The following DDX11 variants were observed in gnomAD, a reference collection of about 807,000 sequenced individuals.
DDX11 encodes ATP-dependent DNA helicase DDX11.
DDX11 carries 72 observed loss-of-function variants against 125.2 expected under a neutral mutation model. The observed-to-expected ratio is 0.58, with a 90% CI of 0.48 to 0.70. The LOEUF is 0.70. Among genes scored for constraint, DDX11 ranks in the 30% least tolerant of loss-of-function variants. DDX11 has a pLI of 0.00. For synonymous variants in DDX11, 347 were observed against 452.6 expected, an observed-to-expected ratio of 0.77 and a Z score of 2.96; for missense variants, 883 against 1,165.0, an observed-to-expected ratio of 0.76 and a Z score of 3.52.
At chr12:31,088,785 G>T (rs549145458) in intron 6 of DDX11, among the ~76,000 whole-genome samples, 1 of 152,342 alleles carries the variant, frequency 6.6e-6, no homozygotes, top group African/African-American at 2.4e-5. Context: ...AAAAGCGGTT[G>T]ATTAGAGGCT....
chr12:31,095,378 C>T lies in DDX11; in HGVS notation c.1482+556C>T, dbSNP rs144751089. Among the ~76,000 whole-genome samples the T allele has an allele frequency of 3.9e-3, 592 of 152,306 alleles. 8 individuals are homozygous for T. Among genetic ancestry groups the T allele is most frequent in the African/African-American group, 0.014 (562 of 41,562 alleles). On this transcript the variant is annotated intron_variant, in intron 14 of 26. Transcript: ENST00000542838. ...CTCTGAGCTAGGATATCCTTTTGCC[C>T]CAGCAAGGAAAGCAAACAGGCCCGT... is the stretch of plus-strand genomic sequence containing the variant.
Position 31,098,295 on chromosome 12 carries a change from T to C in DDX11, c.1875+298T>C, listed in dbSNP as rs531537394. 2.0e-5 allele frequency among the ~76,000 whole-genome samples: 3 copies of C among 152,384 alleles called. No homozygotes were observed. The East Asian group carries it at 5.8e-4, about 29-fold the overall frequency. Reference sequence around the variant, plus strand: ...AAGGAAAAAAATCATGATTCCACTTTTAAAAGGTTCATTTTGATGTATATG... The same window carrying C: ...AAGGAAAAAAATCATGATTCCACTTCTAAAAGGTTCATTTTGATGTATATG... On this transcript the variant is annotated intron_variant, in intron 18 of 26. Coordinates refer to ENST00000542838, the MANE Select transcript of DDX11 (RefSeq NM_030653.4).
At chr12:31,079,818 C>G (rs1211025569) in intron 2 of DDX11, among the ~76,000 whole-genome samples, 1 of 152,084 alleles carries the variant, frequency 6.6e-6, no homozygotes, top group Non-Finnish European at 1.5e-5. Context: ...TGTTTTTGTT[C>G]TTTAAAAACA....
intron 2 of DDX11, among the ~76,000 whole-genome samples, chr12:31,080,937 T>C (rs990093347): frequency 2.6e-5 from 4 of 152,170 alleles, no homozygotes; most frequent in Admixed American, 2.0e-4. Flanking sequence ...AAATGAGATC[T>C]CACTATGCTG....
chr12:31,083,768 G>A (rs568245793), intron 2 of DDX11, 45 bp from the exon 3 acceptor site: 2 of 1,601,434 alleles, frequency 1.2e-6, no homozygotes, highest in Non-Finnish European at 1.7e-6. Flanking sequence ...CATTTGGGAG[G>A]CTTTGTTGTT....
At chr12:31,100,440 A>G in intron 18 of DDX11, 195 bp from the exon 19 acceptor site, 1 of 534,588 alleles carries the variant, frequency 1.9e-6, no homozygotes, top group South Asian at 2.6e-5. Flanking sequence ...CTGTTCCTGC[A>G]CATAGTTTAA....
intron 18 of DDX11, among the ~76,000 whole-genome samples, chr12:31,099,076 C>CTTTTTTTTTTTTTT (rs1945864738): frequency 3.3e-5 from 2 of 60,552 alleles, no homozygotes; most frequent in African/African-American, 7.9e-5. Flanking sequence ...GTATTTCTTT[C>CTTTTTTTTTTTTTT]TTTCTTTCTT....
intron 18 of DDX11, among the ~76,000 whole-genome samples, chr12:31,098,242 G>A (rs1945673124): frequency 6.6e-6 from 1 of 152,254 alleles, no homozygotes; most frequent in Non-Finnish European, 1.5e-5. Context: ...ATGTCTCCCA[G>A]AGAAAGCTGT....
At chr12:31,101,616 A>G in intron 20 of DDX11, 17 of 604,452 alleles carry the variant, frequency 2.8e-5, no homozygotes, top group Admixed American at 8.1e-5. Context: ...GACATGTGTC[A>G]GAAAGGCGCA....
rs768648710 is a variant in DDX11 at position 31,087,957 on chromosome 12, G to A, written c.658G>A (p.Asp220Asn). The change falls in exon 6 of 27, where the codon GAC becomes AAC. Residue 220 changes from aspartate to asparagine, a missense_variant. Transcript: ENST00000542838. Reference protein sequence around the residue: ...VASRVDEDEDDLEEEHITKIY... With the variant: ...VASRVDEDEDNLEEEHITKIY... ...ACACAGAGTGGATGAGGATGAGGAT[G>A]ACCTGGAGGAAGAACACATAACTAA... 6 of 1,608,074 alleles carry A rather than the reference G, an allele frequency of 3.7e-6. No individual in the cohort carries two copies. The highest frequency in any genetic ancestry group is 1.1e-5 in the South Asian group (1 of 89,748).
chr12:31,089,318 G>A, intron 7 of DDX11, 85 bp from the exon 8 acceptor site: 1 of 1,502,870 alleles, frequency 6.7e-7, no homozygotes, highest in Non-Finnish European at 9.2e-7. Flanking sequence ...GCAAAGGAGA[G>A]GTGGCGGGGC....
chr12:31,088,005 G>A (rs777002403), intron 6 of DDX11, 22 bp downstream of exon 6: 2 of 1,607,124 alleles, frequency 1.2e-6, no homozygotes, highest in Non-Finnish European at 1.7e-6. Flanking sequence ...GTCCTCAGCT[G>A]GTGCTGTGCT....
Position 31,085,130 on chromosome 12 carries a change from A to T in DDX11, c.638+4A>T, listed in dbSNP as rs1169680543. On this transcript the variant is annotated splice_donor_region_variant and intron_variant, in intron 5 of 26. Coordinates refer to ENST00000542838, the MANE Select transcript of DDX11 (RefSeq NM_030653.4). ...AGGAGAAAAAGGTGGCGAGCAGGTG[A>T]GACAGAGGCGGTAGCACTACCCTGC... 6.4e-7 allele frequency: 1 copy of T among 1,557,320 alleles called. No individual in the cohort carries two copies. Among genetic ancestry groups the T allele is most frequent in the East Asian group, 2.4e-5 (1 of 41,762 alleles).
rs1263663933 is a variant in DDX11 at position 31,103,611 on chromosome 12, C to T, written c.2571C>T (p.Ser857=). Residue 857 remains serine (S), a synonymous_variant, in exon 26 of 27, where the codon AGC becomes AGT. Coordinates refer to ENST00000542838, the MANE Select transcript of DDX11 (RefSeq NM_030653.4). Reference sequence around the variant, plus strand: ...TCAGGCACCAGAAGGATTTTGCCAGCGTAGTGCTCCTGGACCAGCGATATG... The same window carrying T: ...TCAGGCACCAGAAGGATTTTGCCAGTGTAGTGCTCCTGGACCAGCGATATG... The part of the protein sequence containing the change: ...RAIRHQKDFA[S]VVLLDQRYAR... The T allele has an allele frequency of 2.6e-5, 42 of 1,613,996 alleles. No individual in the cohort carries two copies. The highest frequency in any genetic ancestry group is 3.4e-5 in the Non-Finnish European group (40 of 1,179,924).
rs1380989891 is a variant in DDX11, at chr12:31,077,345, G to A, written c.-4-1045G>A. On this transcript the variant is annotated intron_variant, in intron 1 of 26. Coordinates refer to ENST00000542838, the MANE Select transcript of DDX11 (RefSeq NM_030653.4). ...GGAGCAGAGTTTTTCTTAGACCTTA[G>A]CCTAGCAAGGAAAGAGAAATGCCTG... Among the ~76,000 whole-genome samples, 5 of 152,140 alleles carry A rather than the reference G, an allele frequency of 3.3e-5. No homozygotes were observed. In the East Asian group the frequency reaches 9.7e-4, roughly 29 times the overall value.
intron 3 of DDX11, 136 bp from the exon 4 acceptor site, chr12:31,084,447 G>A (rs574165415): frequency 6.1e-5 from 51 of 835,108 alleles, no homozygotes; most frequent in Middle Eastern, 5.3e-4. Context: ...GAGGGGATGC[G>A]GCAGCCCTTG....
chr12:31,100,627 GTCT>G lies in DDX11; in HGVS notation c.1876-7_1876-5del. On this transcript the variant is annotated splice_region_variant and splice_polypyrimidine_tract_variant and intron_variant, in intron 18 of 26. Transcript: ENST00000542838. ...ATGGGGCCGTGACGCTGTGGCCTTG[GTCT>G]ACAGGTGTCTGACTTCCGGCAGCAG... 8 of 1,552,042 alleles carry G rather than the reference GTCT, an allele frequency of 5.2e-6. No homozygotes were observed. Among genetic ancestry groups the G allele is most frequent in the Non-Finnish European group, 3.5e-6 (4 of 1,147,020 alleles).
At position 31,085,038 on chromosome 12, in the gene DDX11, G is replaced by T. The variant is rs1350373273; in HGVS notation, c.550G>T (p.Ala184Ser). ...SREMLETGPE[A>S]ERLEQLESGE... ...GGAGATGCTAGAGACAGGCCCGGAG[G>T]CTGAGCGGCTGGAGCAGCTGGAGTC... is the stretch of plus-strand genomic sequence containing the variant. Residue 184 changes from alanine to serine, a missense_variant, in exon 5 of 27, where the codon GCT (alanine) becomes TCT (serine). Ala to Ser is a moderately conservative substitution (Grantham distance 99). This residue lies in a region of DDX11 where 283 missense variants were observed against 359.6 expected (regional missense o/e 0.79). Coordinates refer to ENST00000542838, the MANE Select transcript of DDX11 (RefSeq NM_030653.4). The T allele has an allele frequency of 6.2e-7, 1 of 1,611,402 alleles. No homozygotes were observed. The highest frequency in any genetic ancestry group is 8.5e-7 in the Non-Finnish European group (1 of 1,178,690).
At chr12:31,096,018 CTTTT>C (rs10587699) in intron 14 of DDX11, among the ~76,000 whole-genome samples, 7 of 150,112 alleles carry the variant, frequency 4.7e-5, no homozygotes, top group Admixed American at 2.0e-4. Context: ...ATAGAAGTTC[CTTTT>C]TTTTTTTTAA....
Sources: allele counts gnomAD v4.1 joint callset (sites outside exome capture counted in the v4.1 genomes callset), GRCh38; gene constraint gnomAD v4.1.1; regional missense constraint gnomAD v4.1.1; transcripts MANE v1.5; gene names NCBI Gene and HGNC (gene_info 2026-07-23, HGNC 2026-07-21).